SDK2: variants seen among roughly 807,000 people sequenced by gnomAD.
SDK2 encodes the protein protein sidekick-2.
Under a neutral mutation model 253.9 loss-of-function variants are expected in SDK2, and 105 were observed. The ratio of observed to expected loss-of-function variants is 0.41; its 90% CI spans 0.35 to 0.49. The LOEUF is 0.49. Among genes scored for constraint, SDK2 ranks in the 20% least tolerant of loss-of-function variants. The pLI is 0.06. For synonymous variants in SDK2, 1,249 were observed against 1,234.9 expected (o/e 1.01, Z -0.24); for missense variants, 2,608 against 3,003.0 (o/e 0.87, Z 3.07).
At chr17:73,357,555 C>T (rs1025929097) in intron 40 of SDK2, 10 of 237,674 alleles carry the variant, frequency 4.2e-5, no homozygotes, top group Middle Eastern at 1.5e-3. Flanking sequence ...TGGGTGAAAC[C>T]GGAGCAGTGG....
At chr17:73,340,208 G>A (rs1381949727) in intron 44 of SDK2, among the ~76,000 whole-genome samples, 2 of 152,172 alleles carry the variant, frequency 1.3e-5, no homozygotes, top group African/African-American at 2.4e-5. Context: ...TCACATAACC[G>A]AAAGTGAACC....
intron 1 of SDK2, among the ~76,000 whole-genome samples, chr17:73,597,806 C>T (rs938202266): frequency 3.9e-5 from 6 of 152,040 alleles, no homozygotes; most frequent in Admixed American, 2.6e-4. Context: ...CCACCACGCC[C>T]GGGTAATTTT....
chr17:73,357,873 C>T, intron 40 of SDK2: 1 of 755,318 alleles, frequency 1.3e-6, no homozygotes, highest in Non-Finnish European at 2.3e-6. Context: ...TCTCTGGGGG[C>T]CTCCTGGGGG....
In SDK2 at chr17:73,511,171, C is replaced by G. The variant is rs1480701012; in HGVS notation, c.65-3574G>C. Among the ~76,000 whole-genome samples the G allele has an allele frequency of 6.6e-6, 1 of 152,230 alleles. No individual in the cohort carries two copies. Among genetic ancestry groups the G allele is most frequent in the African/African-American group, 2.4e-5 (1 of 41,464 alleles). Reference sequence around the variant, plus strand: ...GCTTTCAAGAGCCCTTTGAATCGCGCTTTTAAAAACCCTCTGTTCATTGCT... The same window carrying G: ...GCTTTCAAGAGCCCTTTGAATCGCGGTTTTAAAAACCCTCTGTTCATTGCT... On this transcript the variant is annotated intron_variant, in intron 1 of 44. Coordinates refer to ENST00000392650, the MANE Select transcript of SDK2 (RefSeq NM_001144952.2). The surrounding 1 kb of genome is among the most constrained non-coding windows in gnomAD (Gnocchi z 4.9).
At chr17:73,552,674 G>C (rs1019783855) in intron 1 of SDK2, among the ~76,000 whole-genome samples, 1 of 152,186 alleles carries the variant, frequency 6.6e-6, no homozygotes, top group Non-Finnish European at 1.5e-5. Flanking sequence ...GGCAGGATAC[G>C]GGGGAACAGG....
intron 12 of SDK2, among the ~76,000 whole-genome samples, chr17:73,428,410 C>G (rs1383309576): frequency 6.6e-6 from 1 of 152,048 alleles, no homozygotes; most frequent in Non-Finnish European, 1.5e-5. Flanking sequence ...ATGCTAGAAA[C>G]CTGCACCCGC....
intron 36 of SDK2, among the ~76,000 whole-genome samples, chr17:73,377,627 C>T (rs1457715918): frequency 6.7e-6 from 1 of 149,626 alleles, no homozygotes; most frequent in Non-Finnish European, 1.5e-5. Context: ...GACTCTGCTG[C>T]CTGCTTTTTT....
At chr17:73,460,227 G>A (rs987382869) in intron 3 of SDK2, among the ~76,000 whole-genome samples, 5 of 152,212 alleles carry the variant, frequency 3.3e-5, no homozygotes, top group East Asian at 1.9e-4. Flanking sequence ...CAATCTAGCC[G>A]AAGCAGATGT....
rs1054108070 is a variant in SDK2, at chr17:73,612,599, G to C, written c.64+31426C>G. Among the ~76,000 whole-genome samples the C allele has an allele frequency of 3.3e-5, 5 of 152,082 alleles. No individual in the cohort carries two copies. The highest frequency in any genetic ancestry group is 7.4e-5 in the Non-Finnish European group (5 of 68,000). On this transcript the variant is annotated intron_variant, in intron 1 of 44. Coordinates refer to ENST00000392650, the MANE Select transcript of SDK2 (RefSeq NM_001144952.2). The surrounding 1 kb of genome is among the most constrained non-coding windows in gnomAD (Gnocchi z 4.4). ...CTTGGGGGCGGTGGCAAAATGAGAA[G>C]CCCAGAGAGCCAAATAATAATAATA... is the stretch of plus-strand genomic sequence containing the variant.
Position 73,414,702 on chromosome 17 carries a change from C to T in SDK2, c.2426G>A (p.Arg809His), listed in dbSNP as rs142010985. 4.1e-4 allele frequency: 660 copies of T among 1,613,788 alleles called. No homozygotes were observed. The highest frequency in any genetic ancestry group is 5.0e-4 in the Non-Finnish European group (588 of 1,179,868). The stretch of plus-strand genomic sequence containing the variant: ...GGGGCTGGGGGCGTTCCAGGTGAAG[C>T]GGATGGTCGTGGAATTGGTGGCTTC... ...HAEATNSTTI[R>H]FTWNAPSPQF... is the part of the protein sequence containing the mutation. The change falls in exon 18 of 45, where the codon CGC becomes CAC. Residue 809 changes from arginine to histidine, a missense_variant. This residue lies in a region of SDK2 where 1,505 missense variants were observed against 1,859.1 expected (regional missense o/e 0.81). Coordinates refer to ENST00000392650, the MANE Select transcript of SDK2 (RefSeq NM_001144952.2).
chr17:73,487,089 A>G (rs2063774222), intron 2 of SDK2, among the ~76,000 whole-genome samples: 1 of 152,122 alleles, frequency 6.6e-6, no homozygotes, highest in African/African-American at 2.4e-5. Flanking sequence ...ACGCACCACC[A>G]TGCCCGGCTA....
intron 2 of SDK2, among the ~76,000 whole-genome samples, chr17:73,504,655 A>AG: frequency 6.8e-6 from 1 of 147,768 alleles, no homozygotes; most frequent in Admixed American, 6.8e-5. Context: ...AAAAAAAAAA[A>AG]GAATACATGC....
rs35151121 is a variant in SDK2, at chr17:73,361,579, ACT to A, written c.5467+103_5467+104del. The A allele has an allele frequency of 0.13, 149,008 of 1,175,752 alleles. 10,655 individuals carry two copies. Among genetic ancestry groups the A allele is most frequent in the Non-Finnish European group, 0.15 (123,872 of 827,452 alleles). The allele number at this position is 1,175,752 out of a possible 1,614,324, so 72.8% of individuals were successfully genotyped here. On this transcript the variant is annotated intron_variant, in intron 39 of 44. Coordinates refer to ENST00000392650, the MANE Select transcript of SDK2 (RefSeq NM_001144952.2). This position sits in a 1 kb window ranked among gnomAD's most constrained non-coding sequence, Gnocchi z 4.1. Reference sequence around the variant, plus strand: ...GGGGAAAGAGTGAGCTCTGTCCTCCACTCTGTTTCCAGGGTCCAGCACAGCTC... The same window carrying A: ...GGGGAAAGAGTGAGCTCTGTCCTCCACTGTTTCCAGGGTCCAGCACAGCTC...
chr17:73,485,712 CA>C (rs1422479909), intron 2 of SDK2, among the ~76,000 whole-genome samples: 1 of 152,174 alleles, frequency 6.6e-6, no homozygotes, highest in Non-Finnish European at 1.5e-5. Context: ...ATATGATATT[CA>C]AATTTCTGTA....
intron 1 of SDK2, among the ~76,000 whole-genome samples, chr17:73,581,012 T>A (rs1264597415): frequency 1.3e-5 from 2 of 152,028 alleles, no homozygotes; most frequent in Non-Finnish European, 2.9e-5. Flanking sequence ...GCCTTCCAAG[T>A]CACTGGGACC....
chr17:73,434,140 C>T (rs995426739), intron 9 of SDK2, among the ~76,000 whole-genome samples: 2 of 152,320 alleles, frequency 1.3e-5, no homozygotes, highest in South Asian at 2.1e-4. Flanking sequence ...AAACTGAAGA[C>T]CCCAGGAGGC....
rs752695653 is a variant in SDK2, at chr17:73,338,797, C to G, written c.6309G>C (p.Thr2103=). The change falls in exon 45 of 45, where the codon ACG becomes ACC. Residue 2103 remains threonine (T), a synonymous_variant. Coordinates refer to ENST00000392650, the MANE Select transcript of SDK2 (RefSeq NM_001144952.2). The surrounding 1 kb of genome is among the most constrained non-coding windows in gnomAD (Gnocchi z 5.0). ...GISRAQAYSY[T]ESDSGEPDHT... is the part of the protein sequence containing the mutation. ...GGTCTGGCTCACCCGAGTCGCTCTC[C>G]GTGTAGCTGTAGGCCTGTGCCCTCG... 10 of 1,613,912 alleles carry G rather than the reference C, an allele frequency of 6.2e-6. No individual in the cohort carries two copies. The highest frequency in any genetic ancestry group is 8.5e-6 in the Non-Finnish European group (10 of 1,179,884).
At chr17:73,423,041 A>AATAG (rs149679422) in intron 14 of SDK2, among the ~76,000 whole-genome samples, 47 of 151,490 alleles carry the variant, frequency 3.1e-4, no homozygotes, top group African/African-American at 1.1e-3. Context: ...TAAATAAATA[A>AATAG]ATAATAAATA....
At chr17:73,366,972 C>G (rs1198327667) in intron 37 of SDK2, among the ~76,000 whole-genome samples, 1 of 152,174 alleles carries the variant, frequency 6.6e-6, no homozygotes, top group African/African-American at 2.4e-5. Flanking sequence ...CTCAACTGCT[C>G]AAGCCCTCCC....
Sources: allele counts gnomAD v4.1 joint callset (sites outside exome capture counted in the v4.1 genomes callset), GRCh38; gene constraint gnomAD v4.1.1; regional missense constraint gnomAD v4.1.1; non-coding constraint Gnocchi (gnomAD v3.1); transcripts MANE v1.5; gene names NCBI Gene and HGNC (gene_info 2026-07-23, HGNC 2026-07-21).